Variants in RYR2 observed in about 807,000 individuals in gnomAD.
RYR2 encodes the protein ryanodine receptor 2, also known as cardiac muscle ryanodine receptor-calcium release channel.
In RYR2, 227 loss-of-function variants were observed where a neutral mutation model predicts 601.1. The ratio of observed to expected loss-of-function variants is 0.38; its 90% CI spans 0.34 to 0.42. The LOEUF is 0.42. RYR2 is among the 10% of genes least tolerant of loss of function. The pLI, the probability that RYR2 is intolerant of heterozygous loss-of-function variation, is 1.00. For synonymous variants in RYR2, 2,223 were observed against 2,175.1 expected, an observed-to-expected ratio of 1.02 and a Z score of -0.61; for missense variants, 4,646 against 6,156.5, an observed-to-expected ratio of 0.75 and a Z score of 8.21.
intron 27 of RYR2, among the ~76,000 whole-genome samples, chr1:237,562,873 C>T (rs535376042): frequency 3.3e-5 from 5 of 152,146 alleles, no homozygotes; most frequent in East Asian, 3.9e-4. Context: ...ATCCGGAGCC[C>T]GGAAGAGTCT....
Position 237,435,872 on chromosome 1 carries a change from A to G in RYR2, c.1006-5447A>G, listed in dbSNP as rs1014055714. ...ATGTATATATTAAGGCATTTATTAT[A>G]TAGGTTTGCTTAATGAGATTGTGAG... On this transcript the variant is annotated intron_variant, in intron 12 of 104. Transcript: ENST00000366574. Among the ~76,000 whole-genome samples, 4 of 152,140 alleles carry G rather than the reference A, an allele frequency of 2.6e-5. No homozygotes were observed. In the South Asian group the frequency reaches 6.2e-4, roughly 24 times the overall value.
chr1:237,130,197 T>C (rs921597156), intron 1 of RYR2, among the ~76,000 whole-genome samples: 10 of 152,238 alleles, frequency 6.6e-5, no homozygotes, highest in Non-Finnish European at 1.3e-4. Flanking sequence ...CATCACGTTG[T>C]ACACAGCAAA....
At chr1:237,486,983 C>G (rs2150389394) in intron 17 of RYR2, among the ~76,000 whole-genome samples, 1 of 152,140 alleles carries the variant, frequency 6.6e-6, no homozygotes, top group African/African-American at 2.4e-5. Context: ...TTTCTATAAA[C>G]TTATTAAAAC....
chr1:237,730,804 G>A (rs1218813427), intron 77 of RYR2, among the ~76,000 whole-genome samples: 1 of 152,114 alleles, frequency 6.6e-6, no homozygotes, highest in East Asian at 1.9e-4. Flanking sequence ...TGAACACATG[G>A]TAAATGTGGA....
chr1:237,385,169 G>C (rs577943924), intron 8 of RYR2, among the ~76,000 whole-genome samples: 1 of 152,080 alleles, frequency 6.6e-6, no homozygotes, highest in Non-Finnish European at 1.5e-5. Flanking sequence ...GATTACAGGC[G>C]TGAGCCACCA....
chr1:237,565,092 TCTC>T (rs1199427758), intron 27 of RYR2, among the ~76,000 whole-genome samples: 1 of 152,082 alleles, frequency 6.6e-6, no homozygotes, highest in Non-Finnish European at 1.5e-5. Context: ...ACTTCCTTCT[TCTC>T]TTTTCTTTTC....
At chr1:237,712,382 G>A (rs894286697) in intron 71 of RYR2, among the ~76,000 whole-genome samples, 5 of 151,958 alleles carry the variant, frequency 3.3e-5, no homozygotes, top group African/African-American at 9.7e-5. Flanking sequence ...TGTGGGCTCT[G>A]GGTTGGTTGA....
At chr1:237,699,337 C>T (rs772583456) in intron 64 of RYR2, among the ~76,000 whole-genome samples, 1 of 151,998 alleles carries the variant, frequency 6.6e-6, no homozygotes. Context: ...AGCTTCCAGG[C>T]GTGATATTTG....
chr1:237,096,733 A>T (rs1199955290), intron 1 of RYR2, among the ~76,000 whole-genome samples: 4 of 152,334 alleles, frequency 2.6e-5, no homozygotes, highest in Non-Finnish European at 5.9e-5. Flanking sequence ...TACCACTTGG[A>T]CAAGAGATGA....
At chr1:237,613,272 G>T (rs1678086166) in intron 36 of RYR2, among the ~76,000 whole-genome samples, 1 of 152,070 alleles carries the variant, frequency 6.6e-6, no homozygotes, top group Non-Finnish European at 1.5e-5. Flanking sequence ...CTCCATTTTG[G>T]TCAGCGGGGG....
At chr1:237,436,454 C>CTTTTTTTTCTTTTTTTTTTTTTT (rs1707370438) in intron 12 of RYR2, among the ~76,000 whole-genome samples, 1 of 48,730 alleles carries the variant, frequency 2.1e-5, no homozygotes, top group African/African-American at 9.9e-5. Flanking sequence ...TGTGATTTTC[C>CTTTTTTTTCTTTTTTTTTTTTTT]TTTTTTTTTT....
intron 10 of RYR2, among the ~76,000 whole-genome samples, chr1:237,409,783 C>T (rs1406676188): frequency 6.6e-6 from 1 of 152,000 alleles, no homozygotes; most frequent in African/African-American, 2.4e-5. Context: ...CTTCTTTGTC[C>T]CTATTATATT....
At chr1:237,074,766 C>G (rs763124876) in intron 1 of RYR2, among the ~76,000 whole-genome samples, 1 of 152,218 alleles carries the variant, frequency 6.6e-6, no homozygotes, top group Admixed American at 6.5e-5. Flanking sequence ...TGGGGGAGGG[C>G]AGTCCATCAG....
In RYR2 at chr1:237,732,115, C is replaced by T. The variant is rs374720955; in HGVS notation, c.11005C>T (p.Leu3669Phe). Residue 3669 changes from leucine to phenylalanine, a missense_variant, in exon 78 of 105, where the codon CTT becomes TTT. By Grantham distance (22) the Leu-to-Phe change is conservative. This residue lies in a region of RYR2 where 1,497 missense variants were observed against 1,842.6 expected (regional missense o/e 0.81). Coordinates refer to ENST00000366574, the MANE Select transcript of RYR2 (RefSeq NM_001035.3). ...AGTTGATCCTCTACATCAGCTGATC[C>T]TTCTGTTTAGTCGGACAGCTTTAAC... ...KRVDPLHQLI[L>F]LFSRTALTEK... 14 of 1,610,964 alleles carry T rather than the reference C, an allele frequency of 8.7e-6. No individual in the cohort carries two copies. Among genetic ancestry groups the T allele is most frequent in the Non-Finnish European group, 1.1e-5 (13 of 1,177,848 alleles).
intron 29 of RYR2, among the ~76,000 whole-genome samples, chr1:237,570,900 G>A (rs537340492): frequency 5.9e-5 from 9 of 152,120 alleles, no homozygotes; most frequent in East Asian, 1.9e-4. Context: ...AAGCTAAGGC[G>A]GAGGATAGCT....
At chr1:237,115,528 G>A (rs1669977340) in intron 1 of RYR2, among the ~76,000 whole-genome samples, 3 of 152,282 alleles carry the variant, frequency 2.0e-5, no homozygotes, top group South Asian at 2.1e-4. Flanking sequence ...TTAAGAGAGT[G>A]TGATGGAAAA....
At chr1:237,726,600 T>A (rs1368833807) in intron 75 of RYR2, among the ~76,000 whole-genome samples, 9 of 152,134 alleles carry the variant, frequency 5.9e-5, no homozygotes, top group Admixed American at 5.9e-4. Context: ...AATAGTAGAA[T>A]TTTTATTAAC....
intron 1 of RYR2, among the ~76,000 whole-genome samples, chr1:237,185,452 C>A (rs1679242069): frequency 6.6e-6 from 1 of 152,060 alleles, no homozygotes; most frequent in Non-Finnish European, 1.5e-5. Context: ...CATTATCTTT[C>A]CTGCACGTGC....
At chr1:237,482,071 GTATA>G (rs1337546172) in intron 17 of RYR2, among the ~76,000 whole-genome samples, 1 of 152,126 alleles carries the variant, frequency 6.6e-6, no homozygotes, top group Admixed American at 6.5e-5. Flanking sequence ...CATAGTAGGT[GTATA>G]TACTCATGGG....
Sources: allele counts gnomAD v4.1 joint callset (sites outside exome capture counted in the v4.1 genomes callset), GRCh38; gene constraint gnomAD v4.1.1; regional missense constraint gnomAD v4.1.1; transcripts MANE v1.5; gene names NCBI Gene and HGNC (gene_info 2026-07-23, HGNC 2026-07-21).